The following SNX13 variants were observed in gnomAD, a reference collection of about 807,000 sequenced individuals.
SNX13 encodes sorting nexin 13.
SNX13 carries 45 observed loss-of-function variants against 133.6 expected under a neutral mutation model. The observed-to-expected ratio is 0.34, with a 90% CI of 0.27 to 0.43. The LOEUF is 0.43. Ranked by LOEUF, SNX13 falls within the 20% of genes least tolerant of loss-of-function variation. SNX13 has a pLI of 1.00. For missense variants in SNX13, 1,032 were observed against 1,145.1 expected (o/e 0.90, Z 1.43); for synonymous variants, 414 against 373.9 (o/e 1.11, Z -1.24).
intron 8 of SNX13, 107 bp from the exon 9 acceptor site, chr7:17,868,597 C>A: frequency 1.3e-6 from 1 of 787,838 alleles, no homozygotes; most frequent in Non-Finnish European, 2.0e-6. Context: ...GTATGATATA[C>A]ATGTAACTAG....
intron 20 of SNX13, among the ~76,000 whole-genome samples, chr7:17,813,588 T>C (rs2128296736): frequency 7.6e-6 from 1 of 131,938 alleles, no homozygotes; most frequent in African/African-American, 2.9e-5. Context: ...TATGAACTCC[T>C]TTTTTTTTTT....
chr7:17,859,070 T>C (rs926779437), intron 9 of SNX13, among the ~76,000 whole-genome samples: 2 of 152,040 alleles, frequency 1.3e-5, no homozygotes, highest in African/African-American at 4.8e-5. Flanking sequence ...AAAAAAATAC[T>C]AGCTGTGGAA....
At chr7:17,913,760 C>CAAAAAAAAAAAA (rs71010278) in intron 1 of SNX13, among the ~76,000 whole-genome samples, 13 of 54,080 alleles carry the variant, frequency 2.4e-4, no homozygotes, top group African/African-American at 4.8e-4. Context: ...TTAACAAAAA[C>CAAAAAAAAAAAA]AAAAAAAAAA....
intron 15 of SNX13, among the ~76,000 whole-genome samples, chr7:17,833,221 T>G (rs1198808343): frequency 6.6e-6 from 1 of 151,656 alleles, no homozygotes; most frequent in Non-Finnish European, 1.5e-5. Flanking sequence ...GCCTAAGAAT[T>G]TGGAAGCTTG....
At chr7:17,824,984 G>T (rs1787720405) in intron 17 of SNX13, among the ~76,000 whole-genome samples, 1 of 152,090 alleles carries the variant, frequency 6.6e-6, no homozygotes, top group Non-Finnish European at 1.5e-5. Flanking sequence ...TGGCCAGTAT[G>T]GTCTCAATAT....
In SNX13 at chr7:17,875,473, A is replaced by G. The variant is rs1265133966; in HGVS notation, c.664+7T>C. On this transcript the variant is annotated splice_region_variant and intron_variant, in intron 7 of 25. Transcript: ENST00000428135. ...CTATTGTCAAAAAAGTTAAATTAAA[A>G]GAAAACCTTCTTCATCTTTGGGGGA... 6 of 1,602,736 alleles carry G rather than the reference A, an allele frequency of 3.7e-6. No individual in the cohort carries two copies. In the African/African-American group the frequency reaches 6.8e-5, roughly 18 times the overall value.
chr7:17,844,554 G>A (rs1006249550), intron 12 of SNX13, among the ~76,000 whole-genome samples: 5 of 151,880 alleles, frequency 3.3e-5, no homozygotes, highest in Admixed American at 2.6e-4. Context: ...CATTCTATGA[G>A]GCCAGCATTA....
intron 9 of SNX13, among the ~76,000 whole-genome samples, chr7:17,865,338 T>C (rs1793253772): frequency 6.6e-6 from 1 of 152,160 alleles, no homozygotes; most frequent in Non-Finnish European, 1.5e-5. Context: ...ATCAATAGTG[T>C]TTCTATGTGA....
At chr7:17,892,916 A>C (rs1323520016) in intron 3 of SNX13, among the ~76,000 whole-genome samples, 1 of 152,214 alleles carries the variant, frequency 6.6e-6, no homozygotes, top group East Asian at 1.9e-4. Flanking sequence ...TAGATACTGC[A>C]TAATCTAATT....
Position 17,794,224 on chromosome 7 carries a change from G to C in SNX13, c.2695C>G (p.Gln899Glu). 7 of 1,611,602 alleles carry C rather than the reference G, an allele frequency of 4.3e-6. No homozygotes were observed. Among genetic ancestry groups the C allele is most frequent in the Non-Finnish European group, 5.1e-6 (6 of 1,178,476 alleles). ...ATTCTCCTATTTAATTGGTTGTGCT[G>C]AAACATTTCAAAAACACGAAGAATA... ...KGILRVFEMF[Q>E]HNQLNRRMVY... The change falls in exon 26 of 26, where the codon CAG (glutamine) becomes GAG (glutamate). Residue 899 changes from glutamine (Q) to glutamate (E), a missense_variant. Transcript: ENST00000428135.
Position 17,890,568 on chromosome 7 carries a change from C to T in SNX13, c.319-84G>A, listed in dbSNP as rs940744716. 2.2e-5 allele frequency: 22 copies of T among 1,000,562 alleles called. No individual in the cohort carries two copies. The East Asian group carries it at 5.7e-4, about 26-fold the overall frequency. The allele number at this position is 1,000,562 out of a possible 1,614,324, so 62.0% of individuals were successfully genotyped here. On this transcript the variant is annotated intron_variant, in intron 4 of 25. Transcript: ENST00000428135. Reference sequence around the variant, plus strand: ...GGTAAACTAAAAAAGTATGCTGTATCTACCAATTTATATTTACTCTCTACG... The same window carrying T: ...GGTAAACTAAAAAAGTATGCTGTATTTACCAATTTATATTTACTCTCTACG...
intron 12 of SNX13, among the ~76,000 whole-genome samples, chr7:17,843,278 A>G (rs1790117934): frequency 6.6e-6 from 1 of 152,104 alleles, no homozygotes; most frequent in Admixed American, 6.6e-5. Context: ...AGAGCAGGGG[A>G]GGCTACACTA....
At chr7:17,884,169 T>C (rs1352095394) in intron 5 of SNX13, among the ~76,000 whole-genome samples, 1 of 152,190 alleles carries the variant, frequency 6.6e-6, no homozygotes, top group Non-Finnish European at 1.5e-5. Context: ...GCATATGCTG[T>C]ATGATTTTTA....
At chr7:17,940,154 C>T in intron 1 of SNX13, 130 bp downstream of exon 1, 1 of 1,235,122 alleles carries the variant, frequency 8.1e-7, no homozygotes, top group Non-Finnish European at 1.2e-6. Context: ...AGGATCCCCG[C>T]TGCTCCTCGG....
Position 17,814,601 on chromosome 7 carries a change from C to T in SNX13, c.2064+233G>A, listed in dbSNP as rs528829506. Among the ~76,000 whole-genome samples the T allele has an allele frequency of 1.6e-3, 241 of 151,990 alleles. 2 individuals are homozygous for T. Among genetic ancestry groups the T allele is most frequent in the African/African-American group, 5.4e-3 (223 of 41,450 alleles). On this transcript the variant is annotated intron_variant, in intron 20 of 25. Transcript: ENST00000428135. ...CTCAGGCAAACTTTTCTTAATGTAC[C>T]ATTTCAAATTTTTTATTTCTTCCTT...
At chr7:17,816,790 T>A (rs1786715406) in intron 18 of SNX13, among the ~76,000 whole-genome samples, 1 of 152,242 alleles carries the variant, frequency 6.6e-6, no homozygotes, top group African/African-American at 2.4e-5. Flanking sequence ...TAATATTATT[T>A]ATTAATAAAA....
At chr7:17,830,941 T>G in intron 15 of SNX13, 1 of 984,470 alleles carries the variant, frequency 1.0e-6, no homozygotes, top group Non-Finnish European at 1.2e-6. Flanking sequence ...CTCTAAATGC[T>G]CAAGAACATT....
intron 5 of SNX13, chr7:17,879,586 T>C (rs2128361589): frequency 6.6e-6 from 1 of 152,304 alleles, no homozygotes; most frequent in South Asian, 2.1e-4. Flanking sequence ...GAGAAGCTCT[T>C]TTTGTCCCAT....
chr7:17,823,477 G>T (rs1371967325), intron 17 of SNX13, among the ~76,000 whole-genome samples: 1 of 152,080 alleles, frequency 6.6e-6, no homozygotes. Flanking sequence ...ACTCTATATT[G>T]GCAAGAGTAG....
Sources: allele counts gnomAD v4.1 joint callset (sites outside exome capture counted in the v4.1 genomes callset), GRCh38; gene constraint gnomAD v4.1.1; transcripts MANE v1.5; gene names NCBI Gene and HGNC (gene_info 2026-07-23, HGNC 2026-07-21).